The following TAF1D variants were observed in gnomAD, a reference collection of about 807,000 sequenced individuals.
TAF1D encodes the protein TATA-box binding protein associated factor, RNA polymerase I subunit D, also known as TATA box-binding protein-associated factor RNA polymerase I subunit D.
TAF1D carries 23 observed loss-of-function variants against 26.2 expected under a neutral mutation model. That is an observed-to-expected ratio of 0.88 (90% CI 0.63 to 1.25). The LOEUF is 1.25. TAF1D is among the 50% of genes most tolerant of loss of function. TAF1D has a pLI of 0.00. For synonymous variants in TAF1D, 100 were observed against 105.6 expected, an observed-to-expected ratio of 0.95 and a Z score of 0.33; for missense variants, 299 against 322.0, an observed-to-expected ratio of 0.93 and a Z score of 0.55.
rs199697391 is a variant in TAF1D, at chr11:93,738,139, G to T, written c.429C>A (p.Asn143Lys). 12 of 1,562,708 alleles carry T rather than the reference G, an allele frequency of 7.7e-6. No individual in the cohort carries two copies. In the South Asian group the frequency reaches 1.2e-4, roughly 16 times the overall value. Residue 143 changes from asparagine to lysine, a missense_variant, in exon 3 of 6, where the codon AAC (asparagine) becomes AAA (lysine). By Grantham distance (94) the Asn-to-Lys change is moderately conservative. Coordinates refer to ENST00000448108, the MANE Select transcript of TAF1D (RefSeq NM_024116.4). ...ACGTTAAAATTTTTCTCCAAGGTGCGTTTTTTTCATTCTCTGATTCTAAAA... is the reference window on the plus strand; with the variant it reads ...ACGTTAAAATTTTTCTCCAAGGTGCTTTTTTTTCATTCTCTGATTCTAAAA... ...FPFLESENEK[N>K]APWRKILTFE...
chr11:93,731,058 A>G (rs749198632), downstream of TAF1D: 2 of 519,056 alleles, frequency 3.9e-6, no homozygotes, highest in Non-Finnish European at 7.7e-6. Flanking sequence ...TCATGTCCAC[A>G]GCAAATGAGA....
At chr11:93,733,376 G>A (rs975730123), downstream of TAF1D, 1 of 518,844 alleles carries the variant, frequency 1.9e-6, no homozygotes, top group African/African-American at 1.9e-5. Flanking sequence ...GAATGGTACA[G>A]ATGTGTGGAG....
chr11:93,738,850 C>A, intron 2 of TAF1D: 1 of 297,902 alleles, frequency 3.4e-6, no homozygotes, highest in Non-Finnish European at 6.2e-6. Context: ...TAATGGCATG[C>A]ACCACTATGC....
downstream of TAF1D, chr11:93,733,800 A>AG (rs769078274): frequency 2.6e-5 from 6 of 233,852 alleles, no homozygotes; most frequent in Non-Finnish European, 4.4e-5. Flanking sequence ...TGGGGACCAC[A>AG]GGCACCACTG....
chr11:93,731,125 A>T (rs780122576), downstream of TAF1D: 18 of 496,522 alleles, frequency 3.6e-5, no homozygotes, highest in South Asian at 1.9e-4. Context: ...AATAACTTAT[A>T]GTTAAGATAA....
At position 93,738,226 on chromosome 11, in the gene TAF1D, A is replaced by G; in HGVS notation, c.342T>C (p.Asn114=). 1.9e-6 allele frequency: 3 copies of G among 1,612,714 alleles called. No homozygotes were observed. Among genetic ancestry groups the G allele is most frequent in the Non-Finnish European group, 2.5e-6 (3 of 1,179,690 alleles). ...TCTTATCTATTAGTGAGTATATAGGATTTCTCCTTCCTTCTGGTCTTCCCC... is the reference window on the plus strand; with the variant it reads ...TCTTATCTATTAGTGAGTATATAGGGTTTCTCCTTCCTTCTGGTCTTCCCC... ...RPRGRPEGRR[N]PIYSLIDKKK... is the part of the protein sequence containing the mutation. The change falls in exon 3 of 6, where the codon AAT becomes AAC. Residue 114 remains asparagine (N), a synonymous_variant. Transcript: ENST00000448108.
intron 4 of TAF1D, 96 bp downstream of exon 4, chr11:93,736,966 ATT>A: frequency 8.5e-7 from 1 of 1,181,904 alleles, no homozygotes. Context: ...TTTGTTCATT[ATT>A]TAAGTATAAC....
Position 93,738,137 on chromosome 11 carries a change from G to A in TAF1D, c.431C>T (p.Ala144Val), listed in dbSNP as rs745845034. 1.3e-6 allele frequency: 2 copies of A among 1,563,008 alleles called. No homozygotes were observed. The highest frequency in any genetic ancestry group is 1.7e-6 in the Non-Finnish European group (2 of 1,163,850). Residue 144 changes from alanine to valine, a missense_variant, in exon 3 of 6, where the codon GCA becomes GTA. Transcript: ENST00000448108. Reference protein sequence around the residue: ...PFLESENEKNAPWRKILTFEQ... With the variant: ...PFLESENEKNVPWRKILTFEQ... ...AAACGTTAAAATTTTTCTCCAAGGT[G>A]CGTTTTTTTCATTCTCTGATTCTAA...
At chr11:93,731,719 C>T (rs1041014001), downstream of TAF1D, 1 of 356,512 alleles carries the variant, frequency 2.8e-6, no homozygotes, top group Non-Finnish European at 5.5e-6. Context: ...AACAAAATAA[C>T]CTGCATGGCC....
At chr11:93,737,025 A>G (rs746300899) in intron 4 of TAF1D, 39 bp downstream of exon 4, 11 of 1,488,546 alleles carry the variant, frequency 7.4e-6, no homozygotes, top group Non-Finnish European at 9.9e-6. Context: ...AATTTAATTT[A>G]TAACCTATTA....
chr11:93,738,967 C>T (rs924634977), intron 2 of TAF1D: 2 of 471,224 alleles, frequency 4.2e-6, no homozygotes, highest in East Asian at 7.8e-5. Context: ...CACAGCCTAC[C>T]GAACCGGAGG....
intron 1 of TAF1D, 89 bp downstream of exon 1, chr11:93,741,233 G>A (rs1001887286): frequency 2.3e-6 from 1 of 440,454 alleles, no homozygotes; most frequent in African/African-American, 2.0e-5. Flanking sequence ...CGATCCTCCG[G>A]ACCAACGAAG....
At chr11:93,741,224 G>A (rs1565248177) in intron 1 of TAF1D, 98 bp downstream of exon 1, 1 of 429,930 alleles carries the variant, frequency 2.3e-6, no homozygotes. Flanking sequence ...TCGGAGTCTC[G>A]ATCCTCCGGA....
downstream of TAF1D, chr11:93,733,488 A>G (rs1369226526): frequency 1.9e-6 from 1 of 518,634 alleles, no homozygotes; most frequent in Non-Finnish European, 3.8e-6. Context: ...ATTCCTTCCC[A>G]CAGATCTAAC....
chr11:93,731,139 C>T (rs1032803593), downstream of TAF1D: 1 of 482,950 alleles, frequency 2.1e-6, no homozygotes, highest in South Asian at 1.5e-5. Context: ...AAGATAAAAA[C>T]CATTACTTGC....
chr11:93,732,536 T>C (rs1409773872), downstream of TAF1D: 1 of 460,942 alleles, frequency 2.2e-6, no homozygotes, highest in Non-Finnish European at 4.4e-6. Flanking sequence ...TTCCCAAATT[T>C]GCAATATTGC....
chr11:93,733,470 G>A (rs1198074889), downstream of TAF1D: 1 of 518,630 alleles, frequency 1.9e-6, no homozygotes, highest in Non-Finnish European at 3.8e-6. Context: ...TTTAGCAACT[G>A]TCTTGTAATT....
chr11:93,730,366 T>C, exon 12 of TAF1D: 2 of 969,448 alleles, frequency 2.1e-6, no homozygotes, highest in Admixed American at 3.7e-5. Context: ...GAATTCCATG[T>C]TGTGATTTCT....
rs1940673787 is a variant in TAF1D at position 93,735,912 on chromosome 11, A to G, written c.*249T>C. 9 of 1,254,768 alleles carry G rather than the reference A, an allele frequency of 7.2e-6. No homozygotes were observed. Among genetic ancestry groups the G allele is most frequent in the Non-Finnish European group, 8.0e-6 (8 of 999,346 alleles). The allele number at this position is 1,254,768 out of a possible 1,614,324, so 77.7% of individuals were successfully genotyped here. Reference sequence around the variant, plus strand: ...CCTGTAAGCTCTTATTCAGAAATCAAATGACAATTTCTCAAATTTTTCTAT... The same window carrying G: ...CCTGTAAGCTCTTATTCAGAAATCAGATGACAATTTCTCAAATTTTTCTAT... On this transcript the variant is annotated 3_prime_UTR_variant, in exon 6 of 6. Coordinates refer to ENST00000448108, the MANE Select transcript of TAF1D (RefSeq NM_024116.4).
Sources: gnomAD v4.1 joint callset for allele counts on GRCh38, gnomAD v4.1.1 for gene constraint, MANE v1.5 for transcripts, NCBI Gene and HGNC (gene_info 2026-07-23, HGNC 2026-07-21) for gene names.